CLSTN2: variants seen among roughly 807,000 people sequenced by gnomAD.
CLSTN2 encodes calsyntenin 2.
In CLSTN2, 48 loss-of-function variants were observed where a neutral mutation model predicts 101.2. The ratio of observed to expected loss-of-function variants is 0.47; its 90% CI spans 0.38 to 0.60. The LOEUF is 0.60. CLSTN2 is among the 20% of genes least tolerant of loss of function. CLSTN2 has a pLI of 0.00. For synonymous variants in CLSTN2, 481 were observed against 463.6 expected, an observed-to-expected ratio of 1.04 and a Z score of -0.48; for missense variants, 1,160 against 1,238.2, an observed-to-expected ratio of 0.94 and a Z score of 0.95.
chr3:140,316,725 T>C (rs2087234880), intron 2 of CLSTN2, among the ~76,000 whole-genome samples: 1 of 152,142 alleles, frequency 6.6e-6, no homozygotes, highest in African/African-American at 2.4e-5. Flanking sequence ...TTTCCCACAG[T>C]GGGTAGTAAT....
intron 2 of CLSTN2, among the ~76,000 whole-genome samples, chr3:140,196,285 C>A (rs930882973): frequency 6.6e-6 from 1 of 152,064 alleles, no homozygotes; most frequent in Non-Finnish European, 1.5e-5. Flanking sequence ...CAGAGGAAGG[C>A]GGGGGAAAAA....
chr3:140,172,745 G>A lies in CLSTN2; in HGVS notation c.110-3206G>A, dbSNP rs549733093. Among the ~76,000 whole-genome samples, 47 of 152,224 alleles carry A rather than the reference G, an allele frequency of 3.1e-4. No homozygotes were observed. The South Asian group carries it at 4.2e-3, about 13-fold the overall frequency. Reference sequence around the variant, plus strand: ...AGATCAAGTCCCATCTTACATGCATGGCAACAGGCAAAGAGAATGAGGAAG... The same window carrying A: ...AGATCAAGTCCCATCTTACATGCATAGCAACAGGCAAAGAGAATGAGGAAG... On this transcript the variant is annotated intron_variant, in intron 1 of 16. Coordinates refer to ENST00000458420, the MANE Select transcript of CLSTN2 (RefSeq NM_022131.3).
At chr3:140,358,912 C>T (rs1277969849) in intron 2 of CLSTN2, among the ~76,000 whole-genome samples, 1 of 152,104 alleles carries the variant, frequency 6.6e-6, no homozygotes, top group East Asian at 1.9e-4. Flanking sequence ...CCAAGGCTGT[C>T]ACAGGTGGTG....
chr3:140,107,578 A>T (rs997338872), intron 1 of CLSTN2, among the ~76,000 whole-genome samples: 1 of 152,148 alleles, frequency 6.6e-6, no homozygotes, highest in African/African-American at 2.4e-5. Context: ...GAATATTAAT[A>T]CTATTCTGAG....
intron 2 of CLSTN2, among the ~76,000 whole-genome samples, chr3:140,232,700 C>T (rs904289926): frequency 1.3e-5 from 2 of 152,170 alleles, no homozygotes; most frequent in Non-Finnish European, 2.9e-5. Context: ...CCAAACATTA[C>T]CCCCTTATTG....
chr3:140,050,577 C>A (rs540340570), intron 1 of CLSTN2, among the ~76,000 whole-genome samples: 55 of 152,292 alleles, frequency 3.6e-4, no homozygotes, highest in African/African-American at 1.3e-3. Flanking sequence ...AATTGTGACC[C>A]TCTGTTGAAG....
At chr3:139,996,233 T>TG (rs946436539) in intron 1 of CLSTN2, among the ~76,000 whole-genome samples, 4 of 152,128 alleles carry the variant, frequency 2.6e-5, no homozygotes, top group Non-Finnish European at 5.9e-5. Context: ...TGGGACTTTT[T>TG]TTTCACAGTA....
chr3:139,977,298 T>C (rs6779947), intron 1 of CLSTN2, among the ~76,000 whole-genome samples: 17,715 of 151,890 alleles, frequency 0.12, 1,984 homozygotes, highest in African/African-American at 0.3. Context: ...AAAGGAAGAA[T>C]GGACAGAAGG....
intron 9 of CLSTN2, among the ~76,000 whole-genome samples, chr3:140,540,328 G>C (rs148228254): frequency 7.4e-4 from 113 of 152,284 alleles, no homozygotes; most frequent in African/African-American, 2.6e-3. Flanking sequence ...GTGTGCCATG[G>C]CCAGCCGTGA....
At chr3:140,041,175 C>T (rs529353157) in intron 1 of CLSTN2, among the ~76,000 whole-genome samples, 1 of 152,262 alleles carries the variant, frequency 6.6e-6, no homozygotes, top group South Asian at 2.1e-4. Context: ...GATATACAGG[C>T]TGTGATCTTG....
chr3:140,394,622 T>C (rs562787870), intron 2 of CLSTN2, among the ~76,000 whole-genome samples: 1 of 102,860 alleles, frequency 9.7e-6, no homozygotes, highest in East Asian at 2.2e-4. Flanking sequence ...AGTACTTCAT[T>C]GCACTTAACT....
intron 1 of CLSTN2, among the ~76,000 whole-genome samples, chr3:140,089,971 CTTTTTTT>C (rs58418539): frequency 2.0e-5 from 1 of 49,670 alleles, no homozygotes; most frequent in Non-Finnish European, 3.5e-5. Flanking sequence ...CTAGGATTGG[CTTTTTTT>C]TTTTTTTTTT....
chr3:140,276,779 C>T (rs984532319), intron 2 of CLSTN2, among the ~76,000 whole-genome samples: 4 of 152,148 alleles, frequency 2.6e-5, no homozygotes, highest in Non-Finnish European at 4.4e-5. Context: ...TCACATAGAA[C>T]GTGTATCAAA....
chr3:140,440,095 G>A (rs1049925475), intron 5 of CLSTN2, among the ~76,000 whole-genome samples: 2 of 152,158 alleles, frequency 1.3e-5, no homozygotes, highest in African/African-American at 4.8e-5. Flanking sequence ...TGGAGATTGG[G>A]GGAGACTCAT....
At chr3:140,551,809 A>ATAAATATATATTATATATT (rs533349890) in intron 10 of CLSTN2, among the ~76,000 whole-genome samples, 4 of 148,344 alleles carry the variant, frequency 2.7e-5, no homozygotes, top group Admixed American at 1.4e-4. Context: ...TATATTACAT[A>ATAAATATATATTATATATT]TAAATATATA....
intron 1 of CLSTN2, among the ~76,000 whole-genome samples, chr3:140,094,002 T>C (rs2008825424): frequency 1.3e-5 from 2 of 152,214 alleles, no homozygotes; most frequent in South Asian, 4.1e-4. Context: ...GGAGAGCTCA[T>C]GGCTGAGAGG....
intron 2 of CLSTN2, among the ~76,000 whole-genome samples, chr3:140,370,712 T>C (rs940767251): frequency 2.1e-4 from 32 of 152,086 alleles, no homozygotes; most frequent in African/African-American, 4.3e-4. Flanking sequence ...AAGAGAACCA[T>C]TGGGCCTGCA....
At chr3:140,424,619 T>A (rs1300876718) in intron 5 of CLSTN2, among the ~76,000 whole-genome samples, 2 of 152,144 alleles carry the variant, frequency 1.3e-5, no homozygotes, top group African/African-American at 4.8e-5. Context: ...TGGAACGAAC[T>A]ATGTTTTACT....
At chr3:140,451,087 A>G (rs1206656555) in intron 6 of CLSTN2, among the ~76,000 whole-genome samples, 5 of 152,242 alleles carry the variant, frequency 3.3e-5, no homozygotes, top group Non-Finnish European at 4.4e-5. Context: ...TTTGCTCCCC[A>G]TGCACCTGAA....
Sources: allele counts gnomAD v4.1 joint callset (sites outside exome capture counted in the v4.1 genomes callset), GRCh38; gene constraint gnomAD v4.1.1; transcripts MANE v1.5; gene names NCBI Gene and HGNC (gene_info 2026-07-23, HGNC 2026-07-21).